Variants in VAV2 observed in about 807,000 individuals in gnomAD.
VAV2 encodes guanine nucleotide exchange factor VAV2.
Under a neutral mutation model 132.5 loss-of-function variants are expected in VAV2, and 67 were observed. That is an observed-to-expected ratio of 0.51 (90% CI 0.42 to 0.62). VAV2 has a LOEUF of 0.62. Among genes scored for constraint, VAV2 ranks in the 20% least tolerant of loss-of-function variants. The pLI, the probability that VAV2 is intolerant of heterozygous loss-of-function variation, is 0.00. For synonymous variants in VAV2, 492 were observed against 443.5 expected, an observed-to-expected ratio of 1.11 and a Z score of -1.37; for missense variants, 938 against 1,153.6, an observed-to-expected ratio of 0.81 and a Z score of 2.71.
At chr9:133,950,487 C>T (rs964455176) in intron 1 of VAV2, among the ~76,000 whole-genome samples, 1 of 152,200 alleles carries the variant, frequency 6.6e-6, no homozygotes, top group African/African-American at 2.4e-5. Flanking sequence ...ACCTCTGCTG[C>T]CGACGGTGGG....
intron 7 of VAV2, among the ~76,000 whole-genome samples, chr9:133,808,237 T>A (rs1479076592): frequency 6.6e-6 from 1 of 152,078 alleles, no homozygotes; most frequent in African/African-American, 2.4e-5. Context: ...GGTGTACAGA[T>A]GTGCGTGCAG....
intron 12 of VAV2, 81 bp downstream of exon 12, chr9:133,795,587 C>T (rs1437556603): frequency 1.6e-5 from 25 of 1,541,128 alleles, no homozygotes; most frequent in South Asian, 4.5e-5. Context: ...AACTGAGGCT[C>T]GTTAATGAGC....
chr9:133,837,232 T>G (rs1291995892), intron 3 of VAV2, among the ~76,000 whole-genome samples: 1 of 152,214 alleles, frequency 6.6e-6, no homozygotes, highest in Non-Finnish European at 1.5e-5. Context: ...CAGCTGCGAT[T>G]TAGTATTTCT....
intron 2 of VAV2, among the ~76,000 whole-genome samples, chr9:133,930,381 G>GCCTCCACC (rs1343680355): frequency 1.3e-5 from 2 of 148,316 alleles, no homozygotes; most frequent in Non-Finnish European, 3.0e-5. Flanking sequence ...CTGCCTCCTT[G>GCCTCCACC]CTGCCTCCTG....
At chr9:133,803,056 G>A (rs1190777557) in intron 9 of VAV2, among the ~76,000 whole-genome samples, 4 of 152,106 alleles carry the variant, frequency 2.6e-5, no homozygotes, top group Admixed American at 1.3e-4. Flanking sequence ...CCTGCAGGCC[G>A]TACCCTGGAA....
chr9:133,954,676 T>C (rs1841687881), intron 1 of VAV2, among the ~76,000 whole-genome samples: 1 of 152,210 alleles, frequency 6.6e-6, no homozygotes, highest in Non-Finnish European at 1.5e-5. Context: ...GTGATGTGTG[T>C]GTCCTCATGT....
chr9:133,861,485 C>T (rs903419091), intron 2 of VAV2, 53 bp from the exon 3 acceptor site: 20 of 1,597,474 alleles, frequency 1.3e-5, no homozygotes, highest in Non-Finnish European at 1.6e-5. Flanking sequence ...ACCAGAAAGG[C>T]ATCACAGAAC....
At chr9:133,891,350 A>G (rs189364821) in intron 2 of VAV2, among the ~76,000 whole-genome samples, 1 of 24,096 alleles carries the variant, frequency 4.2e-5, no homozygotes. Context: ...GGAAGGGATG[A>G]AGGGGGAGGG....
intron 2 of VAV2, among the ~76,000 whole-genome samples, chr9:133,923,648 C>T (rs942815477): frequency 6.6e-6 from 1 of 152,152 alleles, no homozygotes; most frequent in African/African-American, 2.4e-5. Flanking sequence ...TGGGTATATA[C>T]TCAAAGGATT....
At chr9:133,899,273 C>T (rs1839345865) in intron 2 of VAV2, among the ~76,000 whole-genome samples, 1 of 151,702 alleles carries the variant, frequency 6.6e-6, no homozygotes, top group Non-Finnish European at 1.5e-5. Flanking sequence ...TGGGACTCCT[C>T]AGGCCGGGTG....
chr9:133,846,473 G>A (rs940762608), intron 3 of VAV2, among the ~76,000 whole-genome samples: 2 of 152,218 alleles, frequency 1.3e-5, no homozygotes, highest in African/African-American at 4.8e-5. Context: ...GGAAGGGTCT[G>A]GACAAAATCT....
chr9:133,766,984 GA>G (rs983726250), intron 29 of VAV2, among the ~76,000 whole-genome samples: 12 of 151,442 alleles, frequency 7.9e-5, no homozygotes, highest in African/African-American at 2.9e-4. Context: ...TACCACTTAA[GA>G]AAAAAAGTGT....
At position 133,885,089 on chromosome 9, in the gene VAV2, A is replaced by T. The variant is rs1198893856; in HGVS notation, c.322-23657T>A. 6.6e-6 allele frequency among the ~76,000 whole-genome samples: 1 copy of T among 152,232 alleles called. No individual in the cohort carries two copies. Among genetic ancestry groups the T allele is most frequent in the East Asian group, 1.9e-4 (1 of 5,204 alleles). ...GCCTAGATAAGTTGGGCCCTTCTGGAGGGTTCTCTCCAGAGGACTGGCAAG... is the reference window on the plus strand; with the variant it reads ...GCCTAGATAAGTTGGGCCCTTCTGGTGGGTTCTCTCCAGAGGACTGGCAAG... On this transcript the variant is annotated intron_variant, in intron 2 of 29. Coordinates refer to ENST00000371850, the MANE Select transcript of VAV2 (RefSeq NM_001134398.2). This position sits in a 1 kb window ranked among gnomAD's most constrained non-coding sequence, Gnocchi z 5.0.
intron 1 of VAV2, among the ~76,000 whole-genome samples, chr9:133,939,993 G>C (rs776969939): frequency 2.6e-5 from 4 of 152,262 alleles, no homozygotes; most frequent in African/African-American, 4.8e-5. Context: ...GGCTGGGGCG[G>C]AACGGCCATC....
chr9:133,876,045 C>G (rs933233820), intron 2 of VAV2, among the ~76,000 whole-genome samples: 1 of 152,258 alleles, frequency 6.6e-6, no homozygotes, highest in African/African-American at 2.4e-5. Context: ...GGCCTTTGGG[C>G]TCAGACTGGG....
In VAV2 at chr9:133,804,077, T is replaced by C. The variant is rs1182836713; in HGVS notation, c.836+2004A>G. Among the ~76,000 whole-genome samples the C allele has an allele frequency of 1.3e-5, 2 of 152,146 alleles. No individual in the cohort carries two copies. Among genetic ancestry groups the C allele is most frequent in the South Asian group, 2.1e-4 (1 of 4,826 alleles). ...TCCATCCCACCCAGCGAGAGGCCAG[T>C]AGCTCTGTTCACTGCGTGTCCTCAG... is the stretch of plus-strand genomic sequence containing the variant. On this transcript the variant is annotated intron_variant, in intron 9 of 29. Transcript: ENST00000371850. The surrounding 1 kb of genome is among the most constrained non-coding windows in gnomAD (Gnocchi z 4.5).
At chr9:133,786,064 T>C (rs983388193) in intron 16 of VAV2, 179 bp from the exon 17 acceptor site, 3 of 659,488 alleles carry the variant, frequency 4.5e-6, no homozygotes, top group Non-Finnish European at 8.4e-6. Flanking sequence ...GCCCATGCTG[T>C]ACGTGCACAC....
chr9:133,924,613 A>G (rs1840408790), intron 2 of VAV2, among the ~76,000 whole-genome samples: 1 of 152,202 alleles, frequency 6.6e-6, no homozygotes, highest in Admixed American at 6.5e-5. Flanking sequence ...CTGAGCTCAG[A>G]CAAGAACACG....
rs1210194179 is a variant in VAV2 at position 133,840,671 on chromosome 9, C to T, written c.381-6331G>A. On this transcript the variant is annotated intron_variant, in intron 3 of 29. Transcript: ENST00000371850. The surrounding 1 kb of genome is among the most constrained non-coding windows in gnomAD (Gnocchi z 4.5). ...CCTTCACTCTCCTCCCGTCCTTCCC[C>T]GGGGAATTACGGGGCACCTGCGTGG... Among the ~76,000 whole-genome samples, 3 of 152,208 alleles carry T rather than the reference C, an allele frequency of 2.0e-5. No individual in the cohort carries two copies. Among genetic ancestry groups the T allele is most frequent in the East Asian group, 1.9e-4 (1 of 5,196 alleles).
Sources: gnomAD v4.1 joint callset for allele counts (sites outside exome capture counted in the v4.1 genomes callset) on GRCh38, gnomAD v4.1.1 for gene constraint, Gnocchi (gnomAD v3.1) non-coding constraint, MANE v1.5 for transcripts, NCBI Gene and HGNC (gene_info 2026-07-23, HGNC 2026-07-21) for gene names.